The following SPATA9 variants were observed in gnomAD, a reference collection of about 807,000 sequenced individuals.
SPATA9 encodes spermatogenesis-associated protein 9.
SPATA9 carries 27 observed loss-of-function variants against 25.5 expected under a neutral mutation model. The observed-to-expected ratio is 1.06, with a 90% CI of 0.78 to 1.46. The LOEUF is 1.46. Ranked by LOEUF, SPATA9 falls within the 40% of genes most tolerant of loss-of-function variation. The probability of loss-of-function intolerance (pLI) is 0.00; values close to 1 mark genes in which losing one functional copy is unlikely to be tolerated. For missense variants in SPATA9, 282 were observed against 297.5 expected (o/e 0.95, Z 0.38); for synonymous variants, 102 against 105.7 (o/e 0.97, Z 0.21).
At chr5:95,661,741 G>A (rs557329301) in intron 4 of SPATA9, among the ~76,000 whole-genome samples, 1 of 152,006 alleles carries the variant, frequency 6.6e-6, no homozygotes, top group African/African-American at 2.4e-5. Flanking sequence ...TTAAAAGTAA[G>A]TTCTACCTTT....
chr5:95,653,055 T>C, exon 9 of SPATA9: 11 of 1,544,816 alleles, frequency 7.1e-6, no homozygotes, highest in Non-Finnish European at 9.6e-6. Flanking sequence ...GTTCCAGTCT[T>C]CTGGAACACA....
rs909658861 is a variant in SPATA9, at chr5:95,663,968, T to C, written c.459A>G (p.Ala153=). 4 of 1,560,120 alleles carry C rather than the reference T, an allele frequency of 2.6e-6. No homozygotes were observed. The Admixed American group carries it at 7.7e-5, about 30-fold the overall frequency. The stretch of plus-strand genomic sequence containing the variant: ...CTTAACTTACCAAATAAATTAGTGC[T>C]GCATATGAAGCATATATTATGCTAG... ...ALTSIIYASY[A]ALIYLAVCVN... The change falls in exon 4 of 5, where the codon GCA becomes GCG. Residue 153 remains alanine (A), a synonymous_variant. Coordinates refer to ENST00000274432, the MANE Select transcript of SPATA9 (RefSeq NM_031952.4).
the SPATA9 span, among the ~76,000 whole-genome samples, chr5:95,728,123 C>T: frequency 2.0e-5 from 3 of 152,290 alleles, no homozygotes; most frequent in Admixed American, 6.5e-5. Flanking sequence ...AGTTGAGAAA[C>T]GTCATTTAGC....
At chr5:95,703,837 T>C in the SPATA9 span, among the ~76,000 whole-genome samples, 4 of 73,626 alleles carry the variant, frequency 5.4e-5, no homozygotes, top group African/African-American at 1.7e-4. Flanking sequence ...AGGCATTAAA[T>C]CATCAATTAT....
At chr5:95,675,759 A>G (rs564994789) in intron 2 of SPATA9, 120 bp from the exon 3 acceptor site, 1 of 710,714 alleles carries the variant, frequency 1.4e-6, no homozygotes, top group South Asian at 2.0e-5. Context: ...GCATATATTC[A>G]ACATCCAATA....
upstream of SPATA9, among the ~76,000 whole-genome samples, chr5:95,702,753 C>T (rs1429589181): frequency 6.6e-6 from 1 of 152,088 alleles, no homozygotes; most frequent in East Asian, 1.9e-4. Context: ...TGGTGGCACA[C>T]ACCTATAGTC....
the SPATA9 span, among the ~76,000 whole-genome samples, chr5:95,721,559 A>G: frequency 6.6e-6 from 1 of 152,134 alleles, no homozygotes; most frequent in Admixed American, 6.5e-5. Flanking sequence ...GGTAATGATT[A>G]CACAAATGCA....
chr5:95,710,184 C>G, the SPATA9 span, among the ~76,000 whole-genome samples: 1 of 152,208 alleles, frequency 6.6e-6, no homozygotes, highest in Admixed American at 6.5e-5. Flanking sequence ...AAAGCTGCTA[C>G]TGTCTGTGAA....
At chr5:95,684,022 G>A (rs957974627), upstream of SPATA9, among the ~76,000 whole-genome samples, 2 of 152,126 alleles carry the variant, frequency 1.3e-5, no homozygotes, top group Non-Finnish European at 2.9e-5. Context: ...GATTCCTCTA[G>A]CATGGGAAGC....
chr5:95,685,048 G>A (rs1042277938), upstream of SPATA9, among the ~76,000 whole-genome samples: 1 of 152,206 alleles, frequency 6.6e-6, no homozygotes, highest in South Asian at 2.1e-4. Flanking sequence ...AAATCTGGGG[G>A]TCAGTCAGAC....
At chr5:95,661,119 C>T (rs1751215887) in intron 4 of SPATA9, among the ~76,000 whole-genome samples, 1 of 152,036 alleles carries the variant, frequency 6.6e-6, no homozygotes, top group Admixed American at 6.6e-5. Context: ...ATGGACACTT[C>T]AAATCTTCAT....
chr5:95,668,830 A>G (rs545537691), intron 3 of SPATA9, among the ~76,000 whole-genome samples: 2 of 152,310 alleles, frequency 1.3e-5, no homozygotes, highest in East Asian at 1.9e-4. Context: ...CACACAAAAA[A>G]CCCAACAGTG....
the SPATA9 span, among the ~76,000 whole-genome samples, chr5:95,704,269 GCTCT>G: frequency 1.3e-5 from 2 of 152,104 alleles, no homozygotes; most frequent in Non-Finnish European, 2.9e-5. Context: ...TGGAAAAATA[GCTCT>G]CTGTCTGACC....
the SPATA9 span, among the ~76,000 whole-genome samples, chr5:95,711,853 T>C: frequency 2.0e-5 from 3 of 152,246 alleles, no homozygotes; most frequent in African/African-American, 4.8e-5. Flanking sequence ...GGAACCTGAT[T>C]AGGATAGCCG....
chr5:95,719,363 A>G, the SPATA9 span, among the ~76,000 whole-genome samples: 1 of 152,216 alleles, frequency 6.6e-6, no homozygotes, highest in Non-Finnish European at 1.5e-5. Flanking sequence ...AAGGTGAACT[A>G]GAAAGATTCC....
chr5:95,687,600 C>T (rs916160054), upstream of SPATA9, among the ~76,000 whole-genome samples: 2 of 152,088 alleles, frequency 1.3e-5, no homozygotes, highest in African/African-American at 4.8e-5. Flanking sequence ...TCTTTAATTA[C>T]CATATTTTAC....
At chr5:95,708,946 T>C in the SPATA9 span, 1 of 254,020 alleles carries the variant, frequency 3.9e-6, no homozygotes. Context: ...TTCACCCGAC[T>C]TAGGCGCAGT....
the SPATA9 span, among the ~76,000 whole-genome samples, chr5:95,724,331 A>C: frequency 6.6e-6 from 1 of 152,254 alleles, no homozygotes; most frequent in Non-Finnish European, 1.5e-5. Flanking sequence ...AATGTTACTC[A>C]TCTGTTTCTG....
chr5:95,653,293 C>A, intron 8 of SPATA9: 2 of 1,532,546 alleles, frequency 1.3e-6, no homozygotes, highest in African/African-American at 1.4e-5. Flanking sequence ...TAAGAGCCAA[C>A]TGTGTACTCC....
Sources: allele counts gnomAD v4.1 joint callset (sites outside exome capture counted in the v4.1 genomes callset), GRCh38; gene constraint gnomAD v4.1.1; transcripts MANE v1.5; gene names NCBI Gene and HGNC (gene_info 2026-07-23, HGNC 2026-07-21).